DNAH9: variants seen among roughly 807,000 people sequenced by gnomAD.
DNAH9 encodes DNAH9 variant protein.
A neutral mutation model predicts 471.6 loss-of-function variants in DNAH9; 345 were observed. The ratio of observed to expected loss-of-function variants is 0.73; its 90% CI spans 0.67 to 0.80. The LOEUF (loss-of-function observed/expected upper bound fraction) is 0.80, where lower values mean the gene tolerates loss of function less well. DNAH9 is among the 30% of genes least tolerant of loss of function. DNAH9 has a pLI of 0.00. For missense variants in DNAH9, 5,407 were observed against 5,609.2 expected (o/e 0.96, Z 1.15); for synonymous variants, 2,093 against 2,123.6 (o/e 0.99, Z 0.40).
At chr17:11,772,971 C>A (rs1360180123) in intron 38 of DNAH9, among the ~76,000 whole-genome samples, 1 of 152,216 alleles carries the variant, frequency 6.6e-6, no homozygotes. Flanking sequence ...ATTTGGGCTT[C>A]TTAGCCCAAG....
intron 61 of DNAH9, among the ~76,000 whole-genome samples, chr17:11,921,520 T>C (rs911565791): frequency 7.2e-5 from 11 of 151,772 alleles, no homozygotes; most frequent in African/African-American, 2.2e-4. Flanking sequence ...TCACAAGCAG[T>C]AGGGGTGGAG....
intron 41 of DNAH9, 80 bp downstream of exon 41, chr17:11,784,619 A>G (rs963268497): frequency 3.8e-6 from 6 of 1,588,892 alleles, no homozygotes; most frequent in Middle Eastern, 1.7e-4. Flanking sequence ...ATAAGTAGCT[A>G]ATGCCCAGCT....
intron 26 of DNAH9, among the ~76,000 whole-genome samples, chr17:11,718,020 C>T (rs186265923): frequency 4.6e-4 from 67 of 144,334 alleles, no homozygotes; most frequent in African/African-American, 1.5e-3. Context: ...ATTACAGGCG[C>T]ACTACACCAC....
At position 11,858,099 on chromosome 17, in the gene DNAH9, A is replaced by C. The variant is rs183828086; in HGVS notation, c.9933+3671A>C. On this transcript the variant is annotated intron_variant, in intron 50 of 68. Coordinates refer to ENST00000262442, the MANE Select transcript of DNAH9 (RefSeq NM_001372.4). Reference sequence around the variant, plus strand: ...GTGATCTCTGGGTGATGAATTTTGGATGGCTGTTTTGTCTAATCTACATTT... The same window carrying C: ...GTGATCTCTGGGTGATGAATTTTGGCTGGCTGTTTTGTCTAATCTACATTT... 2.4e-4 allele frequency among the ~76,000 whole-genome samples: 37 copies of C among 152,302 alleles called. 1 individual carries two copies. Among genetic ancestry groups the C allele is most frequent in the African/African-American group, 7.9e-4 (33 of 41,566 alleles).
At chr17:11,728,420 G>C (rs1271335804) in intron 28 of DNAH9, among the ~76,000 whole-genome samples, 2 of 150,928 alleles carry the variant, frequency 1.3e-5, no homozygotes, top group East Asian at 3.9e-4. Flanking sequence ...CATGCCCCTT[G>C]TCTTTCAAGT....
At chr17:11,953,936 T>TTA (rs1163911372) in intron 67 of DNAH9, 1 of 151,908 alleles carries the variant, frequency 6.6e-6, no homozygotes, top group Non-Finnish European at 1.5e-5. Flanking sequence ...CAAATGGAAT[T>TTA]TATAGAGATG....
At position 11,821,964 on chromosome 17, in the gene DNAH9, A is replaced by G; in HGVS notation, c.8752A>G (p.Ile2918Val). 1.9e-6 allele frequency: 3 copies of G among 1,614,202 alleles called. No homozygotes were observed. The highest frequency in any genetic ancestry group is 2.5e-6 in the Non-Finnish European group (3 of 1,180,020). The change falls in exon 46 of 69, where the codon ATA (isoleucine) becomes GTA (valine). Residue 2918 changes from isoleucine to valine, a missense_variant. Physicochemically the swap from Ile to Val is conservative, Grantham distance 29. Coordinates refer to ENST00000262442, the MANE Select transcript of DNAH9 (RefSeq NM_001372.4). The stretch of plus-strand genomic sequence containing the variant: ...CTCTGATGATGAAGTTGAAAACATC[A>G]TAAGCAATGTGAGGAATGAAGTCAA... ...LYSDDEVENIISNVRNEVKSQ... is the reference protein window; with the variant it reads ...LYSDDEVENIVSNVRNEVKSQ...
intron 5 of DNAH9, among the ~76,000 whole-genome samples, chr17:11,618,316 G>A (rs940336142): frequency 3.3e-5 from 5 of 152,142 alleles, no homozygotes; most frequent in Non-Finnish European, 5.9e-5. Flanking sequence ...GGCCGGGCGC[G>A]GTGGCTCACG....
At chr17:11,814,282 C>T (rs551670158) in intron 45 of DNAH9, among the ~76,000 whole-genome samples, 7 of 152,340 alleles carry the variant, frequency 4.6e-5, no homozygotes, top group African/African-American at 1.4e-4. Flanking sequence ...ACCTCTTCCT[C>T]CAGCTTTCCA....
chr17:11,905,844 T>G, intron 61 of DNAH9, 35 bp downstream of exon 61: 1 of 1,571,446 alleles, frequency 6.4e-7, no homozygotes, highest in Non-Finnish European at 8.6e-7. Flanking sequence ...CAGGGCTGCA[T>G]TTGCCCCATG....
chr17:11,955,746 G>A (rs1444299310), intron 67 of DNAH9, among the ~76,000 whole-genome samples: 1 of 152,160 alleles, frequency 6.6e-6, no homozygotes, highest in African/African-American at 2.4e-5. Context: ...ATCACATAGA[G>A]TGCATCCTCT....
rs1974605015 is a variant in DNAH9 at position 11,933,906 on chromosome 17, G to A, written c.12324G>A (p.Leu4108=). 3 of 1,613,928 alleles carry A rather than the reference G, an allele frequency of 1.9e-6. No individual in the cohort carries two copies. Among genetic ancestry groups the A allele is most frequent in the African/African-American group, 1.3e-5 (1 of 75,006 alleles). ...TCCCCTATGATGATTTGCGCTACCT[G>A]TTTGGAGAGATCATGTATGGAGGCC... ...AKVPYDDLRY[L]FGEIMYGGHI... Residue 4108 remains leucine (L), a synonymous_variant, in exon 65 of 69, where the codon CTG becomes CTA. Transcript: ENST00000262442.
In DNAH9 at chr17:11,651,128, T is replaced by G; in HGVS notation, c.2157T>G (p.Pro719=). ...AACCCAGAGAGATGAAACACATGCCTGAGACAGCAGCAGCCATGTTCTCCT... is the reference window on the plus strand; with the variant it reads ...AACCCAGAGAGATGAAACACATGCCGGAGACAGCAGCAGCCATGTTCTCCT... ...YLEPREMKHM[P]ETAAAMFSSR... Residue 719 remains proline, a synonymous_variant, in exon 13 of 69, where the codon CCT becomes CCG. Coordinates refer to ENST00000262442, the MANE Select transcript of DNAH9 (RefSeq NM_001372.4). 1 of 1,614,138 alleles carries G rather than the reference T, an allele frequency of 6.2e-7. No individual in the cohort carries two copies. The highest frequency in any genetic ancestry group is 1.1e-5 in the South Asian group (1 of 91,082).
chr17:11,607,527 G>A (rs1221278500), intron 1 of DNAH9, among the ~76,000 whole-genome samples: 3 of 152,040 alleles, frequency 2.0e-5, no homozygotes, highest in Non-Finnish European at 2.9e-5. Context: ...AGGGATAAGC[G>A]GGAACTGTGC....
chr17:11,637,317 A>G (rs909431643), intron 9 of DNAH9, among the ~76,000 whole-genome samples: 3 of 152,168 alleles, frequency 2.0e-5, no homozygotes, highest in Non-Finnish European at 4.4e-5. Flanking sequence ...TCCTTACTAC[A>G]TGCCAAGCAT....
chr17:11,822,180 G>A (rs866055735), intron 46 of DNAH9, 118 bp downstream of exon 46: 8 of 1,242,506 alleles, frequency 6.4e-6, no homozygotes, highest in African/African-American at 3.0e-5. Flanking sequence ...GTGAGTGTGC[G>A]GCACCCTTCT....
intron 6 of DNAH9, among the ~76,000 whole-genome samples, chr17:11,624,084 A>T (rs529049047): frequency 6.6e-6 from 1 of 152,210 alleles, no homozygotes; most frequent in African/African-American, 2.4e-5. Flanking sequence ...CTGCCTTCTT[A>T]TCATAACCAT....
intron 49 of DNAH9, among the ~76,000 whole-genome samples, chr17:11,840,445 T>C (rs7213421): frequency 0.53 from 81,021 of 152,010 alleles, 22,304 homozygotes; most frequent in African/African-American, 0.62. Context: ...TTTACTTTTT[T>C]CAATACAATT....
At chr17:11,883,211 A>G in intron 55 of DNAH9, 1 of 999,494 alleles carries the variant, frequency 1.0e-6, no homozygotes, top group Non-Finnish European at 1.2e-6. Context: ...GTAAATTGGT[A>G]ATAGAGAGAA....
Sources: gnomAD v4.1 joint callset for allele counts (sites outside exome capture counted in the v4.1 genomes callset) on GRCh38, gnomAD v4.1.1 for gene constraint, MANE v1.5 for transcripts, NCBI Gene and HGNC (gene_info 2026-07-23, HGNC 2026-07-21) for gene names.